The following CFHR5 variants were observed in gnomAD, a reference collection of about 807,000 sequenced individuals.
CFHR5 encodes complement factor H related 5, also known as complement factor H-related protein 5.
CFHR5 carries 73 observed loss-of-function variants against 62.9 expected under a neutral mutation model. The observed-to-expected ratio is 1.16, with a 90% CI of 0.96 to 1.41. CFHR5 has a LOEUF of 1.41. Among genes scored for constraint, CFHR5 ranks in the 40% most tolerant of loss-of-function variants. The probability of loss-of-function intolerance (pLI) is 0.00; values close to 1 mark genes in which losing one functional copy is unlikely to be tolerated. For synonymous variants in CFHR5, 249 were observed against 227.2 expected (o/e 1.10, Z -0.86); for missense variants, 779 against 679.9 (o/e 1.15, Z -1.62).
intron 7 of CFHR5, among the ~76,000 whole-genome samples, chr1:197,001,440 C>G (rs1173580147): frequency 6.6e-6 from 1 of 151,662 alleles, no homozygotes; most frequent in East Asian, 1.9e-4. Flanking sequence ...CTAGCTAAAC[C>G]AGGAAAGAGT....
intron 8 of CFHR5, among the ~76,000 whole-genome samples, chr1:197,003,810 C>A (rs1422109379): frequency 6.6e-6 from 1 of 152,042 alleles, no homozygotes; most frequent in Non-Finnish European, 1.5e-5. Context: ...GAAATTTTAC[C>A]TTATTGAATT....
At chr1:196,981,206 A>T (rs114620055) in intron 1 of CFHR5, among the ~76,000 whole-genome samples, 2,050 of 152,278 alleles carry the variant, frequency 0.013, 40 homozygotes, top group African/African-American at 0.045. Flanking sequence ...CTTATGCAGC[A>T]ATGCTATATT....
chr1:197,004,478 T>G (rs949664207), intron 8 of CFHR5, among the ~76,000 whole-genome samples, 183 bp from the exon 9 acceptor site: 3 of 152,180 alleles, frequency 2.0e-5, no homozygotes, highest in African/African-American at 4.8e-5. Flanking sequence ...GTATTTTATA[T>G]GAATTTCACT....
Position 197,004,746 on chromosome 1 carries a change from A to C in CFHR5, c.1416A>C (p.Ser472=). 6.2e-7 allele frequency: 1 copy of C among 1,613,404 alleles called. No homozygotes were observed. Among genetic ancestry groups the C allele is most frequent in the East Asian group, 2.2e-5 (1 of 44,868 alleles). The change falls in exon 9 of 10, where the codon TCA becomes TCC. Residue 472 remains serine, a synonymous_variant. Transcript: ENST00000256785. ...CATTATCAGTATATCCTCCAGGGTC[A>C]ACAGTGACGTACCGTTGCCAGTCCT... ...SFPLSVYPPG[S]TVTYRCQSFY... is the part of the protein sequence containing the mutation.
chr1:196,984,651 C>T (rs1358178458), intron 3 of CFHR5, among the ~76,000 whole-genome samples: 3 of 152,150 alleles, frequency 2.0e-5, no homozygotes, highest in Non-Finnish European at 2.9e-5. Context: ...ATGATGGCAC[C>T]TCACAGTCCT....
At chr1:197,001,059 A>G (rs1052034133) in intron 7 of CFHR5, among the ~76,000 whole-genome samples, 6 of 152,184 alleles carry the variant, frequency 3.9e-5, no homozygotes, top group African/African-American at 1.4e-4. Flanking sequence ...TTTTGCAGTT[A>G]ATTACTGAAA....
chr1:196,983,205 G>T, intron 2 of CFHR5, 126 bp downstream of exon 2: 1 of 1,222,136 alleles, frequency 8.2e-7, no homozygotes, highest in East Asian at 2.5e-5. Flanking sequence ...AATGGGAGAT[G>T]TAGTCCTCCT....
rs544997795 is a variant in CFHR5 at position 196,998,297 on chromosome 1, C to T, written c.1140C>T (p.Asp380=). 2.7e-5 allele frequency: 44 copies of T among 1,610,342 alleles called. No homozygotes were observed. In the South Asian group the frequency reaches 4.4e-4, roughly 16 times the overall value. The change falls in exon 7 of 10, where the codon GAC becomes GAT. Residue 380 remains aspartate, a synonymous_variant. Coordinates refer to ENST00000256785, the MANE Select transcript of CFHR5 (RefSeq NM_030787.4). ...CINGKWNPEV[D]CTEKREQFCP... ...ACGGGAAATGGAATCCTGAAGTAGACTGCACAGGTAAGATTTGTTTAAAAC... is the reference window on the plus strand; with the variant it reads ...ACGGGAAATGGAATCCTGAAGTAGATTGCACAGGTAAGATTTGTTTAAAAC...
intron 7 of CFHR5, among the ~76,000 whole-genome samples, chr1:196,998,985 A>C (rs1213080078): frequency 6.6e-6 from 1 of 152,006 alleles, no homozygotes; most frequent in East Asian, 1.9e-4. Context: ...AGTGAAAGTA[A>C]CTGGCAACCA....
rs115113768 is a variant in CFHR5, at chr1:197,003,716, T to C, written c.1331-945T>C. Reference sequence around the variant, plus strand: ...AAGAATGTGGGGTGATAAAGTAAGATCATGGAGGATGAGAAACAAGTAAAT... The same window carrying C: ...AAGAATGTGGGGTGATAAAGTAAGACCATGGAGGATGAGAAACAAGTAAAT... On this transcript the variant is annotated intron_variant, in intron 8 of 9. Transcript: ENST00000256785. 3.5e-3 allele frequency among the ~76,000 whole-genome samples: 532 copies of C among 152,142 alleles called. 1 individual carries two copies. Among genetic ancestry groups the C allele is most frequent in the Middle Eastern group, 0.024 (7 of 294 alleles).
intron 7 of CFHR5, among the ~76,000 whole-genome samples, chr1:196,999,545 C>A (rs183791246): frequency 6.6e-6 from 1 of 150,964 alleles, no homozygotes; most frequent in African/African-American, 2.4e-5. Flanking sequence ...TCCAAATAAC[C>A]TAGTGATGTA....
In CFHR5 at chr1:197,008,571, CAG is replaced by C. The variant is rs1654353232; in HGVS notation, c.1599_1600del (p.Asp535CysfsTer3). 1.9e-6 allele frequency: 3 copies of C among 1,613,064 alleles called. No homozygotes were observed. Among genetic ancestry groups the C allele is most frequent in the African/African-American group, 1.3e-5 (1 of 74,824 alleles). ...AACGATGGAAAACTCTATGCAAAAA[CAG>C]GGGATGCTGTTGAATTCCAGTGTAA... On this transcript the variant is annotated frameshift_variant, in exon 10 of 10. Transcript: ENST00000256785. LOFTEE classifies it low-confidence loss of function (END_TRUNC).
In CFHR5 at chr1:197,009,163, C is replaced by G. The variant is rs1654373345; in HGVS notation, c.*480C>G. 6.3e-6 allele frequency: 1 copy of G among 157,982 alleles called. No individual in the cohort carries two copies. The highest frequency in any genetic ancestry group is 2.4e-5 in the African/African-American group (1 of 41,488). The allele number at this position is 157,982 out of a possible 1,614,324, so 9.8% of individuals were successfully genotyped here. On this transcript the variant is annotated 3_prime_UTR_variant, in exon 10 of 10. Coordinates refer to ENST00000256785, the MANE Select transcript of CFHR5 (RefSeq NM_030787.4). ...AAACTCATCCTTTATAAAGACACCA[C>G]TCCTGAGATAACAATCCAATCCCAT...
At chr1:196,980,626 G>GTGTA (rs990253437) in intron 1 of CFHR5, among the ~76,000 whole-genome samples, 1 of 143,342 alleles carries the variant, frequency 7.0e-6, no homozygotes, top group Admixed American at 7.0e-5. Flanking sequence ...GTGTGTGTGT[G>GTGTA]TGTATCCCAG....
chr1:196,989,155 G>A (rs547696279), intron 3 of CFHR5, among the ~76,000 whole-genome samples: 68 of 152,184 alleles, frequency 4.5e-4, no homozygotes, highest in South Asian at 1.5e-3. Flanking sequence ...GTTTATTTGC[G>A]TAGAGGTGTT....
Position 196,982,910 on chromosome 1 carries a change from A to C in CFHR5, c.84A>C (p.Ile28=), listed in dbSNP as rs778970060. Residue 28 remains isoleucine, a synonymous_variant, in exon 2 of 10, where the codon ATA becomes ATC. Transcript: ENST00000256785. The part of the protein sequence containing the change: ...GEGTLCDFPK[I]HHGFLYDEED... The stretch of plus-strand genomic sequence containing the variant: ...GAACACTTTGTGATTTTCCAAAAAT[A>C]CACCATGGATTTCTGTATGATGAAG... 6.2e-7 allele frequency: 1 copy of C among 1,614,090 alleles called. No individual in the cohort carries two copies.
At chr1:197,007,359 C>A (rs1338706461) in intron 9 of CFHR5, among the ~76,000 whole-genome samples, 1 of 151,780 alleles carries the variant, frequency 6.6e-6, no homozygotes, top group African/African-American at 2.4e-5. Context: ...AGAATTTTTA[C>A]AAATCAATCA....
chr1:197,003,522 A>G (rs151056017), intron 8 of CFHR5, among the ~76,000 whole-genome samples: 232 of 152,340 alleles, frequency 1.5e-3, no homozygotes, highest in South Asian at 8.3e-4. Context: ...GCATTTCAAA[A>G]GCACATATTT....
At chr1:196,997,981 T>C in intron 6 of CFHR5, 147 bp from the exon 7 acceptor site, 1 of 526,594 alleles carries the variant, frequency 1.9e-6, no homozygotes, top group Non-Finnish European at 3.3e-6. Flanking sequence ...TTTTTCTTTT[T>C]CCAACAGCAT....
Sources: allele counts gnomAD v4.1 joint callset (sites outside exome capture counted in the v4.1 genomes callset), GRCh38; gene constraint gnomAD v4.1.1; transcripts MANE v1.5; gene names NCBI Gene and HGNC (gene_info 2026-07-23, HGNC 2026-07-21).